Variants in STARD13 observed in about 807,000 individuals in gnomAD.
The protein encoded by STARD13 is StAR related lipid transfer domain containing 13, also known as stAR-related lipid transfer protein 13.
In STARD13, 62 loss-of-function variants were observed where a neutral mutation model predicts 106.4. The ratio of observed to expected loss-of-function variants is 0.58; its 90% CI spans 0.48 to 0.72. The LOEUF (loss-of-function observed/expected upper bound fraction) is 0.72, where lower values mean the gene tolerates loss of function less well. STARD13 is among the 30% of genes least tolerant of loss of function. The pLI is 0.00. For synonymous variants in STARD13, 565 were observed against 553.0 expected (o/e 1.02, Z -0.31); for missense variants, 1,387 against 1,424.0 (o/e 0.97, Z 0.42).
chr13:33,358,141 G>A, the STARD13 span, among the ~76,000 whole-genome samples: 4 of 152,254 alleles, frequency 2.6e-5, no homozygotes, highest in Admixed American at 2.6e-4. Flanking sequence ...GCTGCGGAGG[G>A]TGTACTGGGT....
chr13:33,177,364 G>A (rs940648089), intron 1 of STARD13, among the ~76,000 whole-genome samples: 5 of 152,154 alleles, frequency 3.3e-5, no homozygotes, highest in Non-Finnish European at 4.4e-5. Flanking sequence ...CAAGGCAAAT[G>A]TACGAATAGA....
chr13:33,499,370 T>A, the STARD13 span, among the ~76,000 whole-genome samples: 1 of 152,138 alleles, frequency 6.6e-6, no homozygotes, highest in East Asian at 1.9e-4. Context: ...AGGCTAGAAG[T>A]CCAACATCAA....
chr13:33,395,143 CTTCTGGATTTTCCT>C, the STARD13 span, among the ~76,000 whole-genome samples: 6 of 152,132 alleles, frequency 3.9e-5, no homozygotes, highest in Non-Finnish European at 8.8e-5. Flanking sequence ...TGAGAAACAA[CTTCTGGATTTTCCT>C]TTGGTAGAGT....
the STARD13 span, among the ~76,000 whole-genome samples, chr13:33,518,215 C>A: frequency 6.6e-6 from 1 of 152,228 alleles, no homozygotes; most frequent in East Asian, 1.9e-4. Flanking sequence ...TTTACTGTTA[C>A]ACTGCCAAAA....
the STARD13 span, among the ~76,000 whole-genome samples, chr13:33,491,617 T>C: frequency 6.6e-6 from 1 of 152,198 alleles, no homozygotes; most frequent in Non-Finnish European, 1.5e-5. Context: ...AGGATCTCTG[T>C]CTAAAACCAC....
intron 12 of STARD13, 60 bp from the exon 13 acceptor site, chr13:33,106,994 A>G: frequency 6.6e-7 from 1 of 1,515,428 alleles, no homozygotes. Context: ...GAACCTGAAC[A>G]CAGAGCTAAG....
the STARD13 span, among the ~76,000 whole-genome samples, chr13:33,646,500 A>G: frequency 6.6e-6 from 1 of 152,334 alleles, no homozygotes; most frequent in Non-Finnish European, 1.5e-5. Flanking sequence ...TCGGCTGCTC[A>G]GCACTTGCCT....
chr13:33,255,017 C>A (rs1331967730), intron 1 of STARD13, among the ~76,000 whole-genome samples: 1 of 152,164 alleles, frequency 6.6e-6, no homozygotes, highest in Non-Finnish European at 1.5e-5. Context: ...ATAACACTCA[C>A]ACTATCTGCG....
chr13:33,671,038 G>A, the STARD13 span, among the ~76,000 whole-genome samples: 1 of 152,220 alleles, frequency 6.6e-6, no homozygotes, highest in African/African-American at 2.4e-5. Flanking sequence ...GAATAATGCT[G>A]ATAGGTATTT....
the STARD13 span, chr13:33,439,728 T>TA: frequency 1.3e-5 from 16 of 1,248,106 alleles, no homozygotes; most frequent in Non-Finnish European, 1.4e-5. Context: ...AGAGCACCTG[T>TA]AAAAAAACAG....
chr13:33,165,301 C>G (rs756461865), intron 3 of STARD13, 36 bp downstream of exon 3: 2 of 1,486,800 alleles, frequency 1.3e-6, no homozygotes, highest in Non-Finnish European at 1.9e-6. Context: ...GCAGACTGAA[C>G]AGTGGAAAGA....
At chr13:33,423,199 C>G in the STARD13 span, among the ~76,000 whole-genome samples, 4 of 152,160 alleles carry the variant, frequency 2.6e-5, no homozygotes, top group African/African-American at 4.8e-5. Context: ...ATCCATCTGA[C>G]AAAGAGCTAA....
At chr13:33,511,140 C>T in the STARD13 span, among the ~76,000 whole-genome samples, 1 of 152,016 alleles carries the variant, frequency 6.6e-6, no homozygotes, top group Non-Finnish European at 1.5e-5. Context: ...GGCAAAACTC[C>T]TTCTCTACTC....
chr13:33,283,520 A>C (rs992514525), intron 1 of STARD13, among the ~76,000 whole-genome samples: 19 of 152,344 alleles, frequency 1.2e-4, no homozygotes, highest in African/African-American at 3.8e-4. Context: ...CTTCTAATAC[A>C]ATAAACTCAA....
At chr13:33,155,600 C>G (rs1041715451) in intron 3 of STARD13, 1 of 152,138 alleles carries the variant, frequency 6.6e-6, no homozygotes, top group African/African-American at 2.4e-5. Context: ...ATATAAAAGT[C>G]ATCCTGAGTA....
At chr13:33,183,755 C>T (rs1258792209) in intron 1 of STARD13, among the ~76,000 whole-genome samples, 1 of 152,082 alleles carries the variant, frequency 6.6e-6, no homozygotes, top group East Asian at 1.9e-4. Context: ...GATTAGGTCA[C>T]CTTATGAGCA....
At chr13:33,214,726 AC>A (rs1887930433) in intron 1 of STARD13, among the ~76,000 whole-genome samples, 1 of 151,412 alleles carries the variant, frequency 6.6e-6, no homozygotes, top group East Asian at 1.9e-4. Context: ...ACACACACAC[AC>A]ACACACACAC....
At chr13:33,349,129 C>T in exon 2 of STARD13, 1 of 702,274 alleles carries the variant, frequency 1.4e-6, no homozygotes, top group South Asian at 1.5e-5. Flanking sequence ...CCAGTGGTGT[C>T]CTTTCCTTCT....
At chr13:33,125,530 C>T (rs1212064355) in intron 7 of STARD13, among the ~76,000 whole-genome samples, 2 of 151,958 alleles carry the variant, frequency 1.3e-5, no homozygotes, top group Non-Finnish European at 2.9e-5. Flanking sequence ...TGAATCAACT[C>T]TATAAAATGA....
Sources: gnomAD v4.1 joint callset for allele counts (sites outside exome capture counted in the v4.1 genomes callset) on GRCh38, gnomAD v4.1.1 for gene constraint, MANE v1.5 for transcripts, NCBI Gene and HGNC (gene_info 2026-07-23, HGNC 2026-07-21) for gene names.